PYGO1: variants seen among roughly 807,000 people sequenced by gnomAD.
PYGO1 encodes the protein pygopus family PHD finger 1.
Under a neutral mutation model 29.5 loss-of-function variants are expected in PYGO1, and 6 were observed. The ratio of observed to expected loss-of-function variants is 0.20; its 90% CI spans 0.11 to 0.40. The LOEUF (loss-of-function observed/expected upper bound fraction) is 0.40, where lower values mean the gene tolerates loss of function less well. Among genes scored for constraint, PYGO1 ranks in the 10% least tolerant of loss-of-function variants. PYGO1 has a pLI of 1.00. For synonymous variants in PYGO1, 186 were observed against 180.5 expected, an observed-to-expected ratio of 1.03 and a Z score of -0.24; for missense variants, 515 against 514.9, an observed-to-expected ratio of 1.00 and a Z score of 0.00.
rs1382158726 is a variant in PYGO1 at position 55,543,717 on chromosome 15, A to T, written c.*2306T>A. The T allele has an allele frequency of 6.6e-6, 1 of 152,198 alleles. No individual in the cohort carries two copies. The highest frequency in any genetic ancestry group is 1.5e-5 in the Non-Finnish European group (1 of 68,024). 9.4% of individuals were successfully genotyped at this position (152,198 alleles called of 1,614,324 possible). On this transcript the variant is annotated 3_prime_UTR_variant, in exon 3 of 3. Transcript: ENST00000563719. ...TCACAACTCAAGTACTACCATGTAAAGTGTTAACTCCTGAGAACACTGGAA... is the reference window on the plus strand; with the variant it reads ...TCACAACTCAAGTACTACCATGTAATGTGTTAACTCCTGAGAACACTGGAA...
chr15:55,550,423 A>G (rs1172627768), intron 1 of PYGO1, among the ~76,000 whole-genome samples: 1 of 152,030 alleles, frequency 6.6e-6, no homozygotes, highest in Non-Finnish European at 1.5e-5. Context: ...TCTTATCTCT[A>G]TCATCCCAAC....
intron 1 of PYGO1, among the ~76,000 whole-genome samples, chr15:55,575,881 C>T (rs1595992778): frequency 6.6e-6 from 1 of 152,138 alleles, no homozygotes; most frequent in East Asian, 1.9e-4. Flanking sequence ...CTCCACAGGG[C>T]CCCTCCTCTG....
chr15:55,546,089 G>A lies in PYGO1; in HGVS notation c.1194C>T (p.Asp398=). The change falls in exon 3 of 3, where the codon GAC becomes GAT. Residue 398 remains aspartate (D), a synonymous_variant. Coordinates refer to ENST00000563719, the MANE Select transcript of PYGO1 (RefSeq NM_001367806.1). The stretch of plus-strand genomic sequence containing the variant: ...TAGTACGCATTAACTGGACATCTTT[G>A]TCAGCCATACAGGTATCACAGCCCC... ...AVWGCDTCMA[D]KDVQLMRTRE... is the part of the protein sequence containing the mutation. The A allele has an allele frequency of 6.2e-7, 1 of 1,614,118 alleles. No homozygotes were observed.
In PYGO1 at chr15:55,546,017, C is replaced by G. The variant is rs374122709; in HGVS notation, c.*6G>C. The stretch of plus-strand genomic sequence containing the variant: ...AAAATAAACCCACTTTAGTTAATGC[C>G]TTTGATTAAGCATCACTGCCCACTG... On this transcript the variant is annotated 3_prime_UTR_variant, in exon 3 of 3. Transcript: ENST00000563719. 3.2e-6 allele frequency: 5 copies of G among 1,583,810 alleles called. No individual in the cohort carries two copies. The highest frequency in any genetic ancestry group is 1.8e-5 in the Admixed American group (1 of 56,562).
At chr15:55,569,610 A>G (rs963133149) in intron 1 of PYGO1, among the ~76,000 whole-genome samples, 3 of 152,224 alleles carry the variant, frequency 2.0e-5, no homozygotes, top group Non-Finnish European at 2.9e-5. Flanking sequence ...TGTGATTTTG[A>G]GAGATCTTCT....
intron 1 of PYGO1, among the ~76,000 whole-genome samples, chr15:55,553,861 G>A (rs12906291): frequency 0.94 from 143,361 of 152,128 alleles, 67,717 homozygotes; most frequent in Non-Finnish European, 0.97. Context: ...TTCACTGGTA[G>A]TATCTCCAGG....
At chr15:55,547,392 A>C (rs534226302) in intron 2 of PYGO1, among the ~76,000 whole-genome samples, 1 of 152,322 alleles carries the variant, frequency 6.6e-6, no homozygotes, top group African/African-American at 2.4e-5. Context: ...TCTGAGCTCA[A>C]ATCCATTGTA....
chr15:55,577,765 CT>C (rs71105898), intron 1 of PYGO1, among the ~76,000 whole-genome samples: 123 of 120,748 alleles, frequency 1.0e-3, no homozygotes, highest in Middle Eastern at 5.0e-3. Flanking sequence ...TACTAATCTA[CT>C]TTTTTTTTTT....
intron 1 of PYGO1, among the ~76,000 whole-genome samples, chr15:55,582,393 T>C (rs759166895): frequency 6.6e-6 from 1 of 152,068 alleles, no homozygotes; most frequent in Non-Finnish European, 1.5e-5. Flanking sequence ...TTCATTTATC[T>C]ACCCCTCATT....
At position 55,587,983 on chromosome 15, in the gene PYGO1, G is replaced by T. The variant is rs894941788; in HGVS notation, c.-100C>A. The T allele has an allele frequency of 7.1e-6, 10 of 1,413,170 alleles. No homozygotes were observed. In the East Asian group the frequency reaches 2.8e-4, roughly 40 times the overall value. 87.5% of individuals were successfully genotyped at this position (1,413,170 alleles called of 1,614,324 possible). On this transcript the variant is annotated 5_prime_UTR_variant, in exon 1 of 3. Transcript: ENST00000563719. ...CTCCTCGCGGGGCCGCTGCGGCTGCGAGGCAAGCCTCGGAGCCGAGGCACG... is the reference window on the plus strand; with the variant it reads ...CTCCTCGCGGGGCCGCTGCGGCTGCTAGGCAAGCCTCGGAGCCGAGGCACG...
intron 1 of PYGO1, among the ~76,000 whole-genome samples, chr15:55,558,543 A>T (rs1426234707): frequency 6.6e-6 from 1 of 151,560 alleles, no homozygotes; most frequent in Non-Finnish European, 1.5e-5. Context: ...TTGCCAAGAC[A>T]ATCTTAAGCC....
rs537292222 is a variant in PYGO1, at chr15:55,573,314, A to AG, written c.49+14520_49+14521insC. The stretch of plus-strand genomic sequence containing the variant: ...GAGCAAGACTCCATCTCAAAAAAGG[A>AG]AAAAAAAAAAGAGAGACAAGAGATA... On this transcript the variant is annotated intron_variant, in intron 1 of 2. Coordinates refer to ENST00000563719, the MANE Select transcript of PYGO1 (RefSeq NM_001367806.1). Among the ~76,000 whole-genome samples, 9 of 118,926 alleles carry AG rather than the reference A, an allele frequency of 7.6e-5. No homozygotes were observed. In the East Asian group the frequency reaches 1.8e-3, roughly 24 times the overall value. 78.0% of individuals were successfully genotyped at this position (118,926 alleles called of 152,430 possible). A position where few individuals can be genotyped will look rare whatever the true frequency, so the allele number is the denominator to read the frequency against.
In PYGO1 at chr15:55,539,765, T is replaced by C. The variant is rs2058821406; in HGVS notation, c.*6258A>G. On this transcript the variant is annotated 3_prime_UTR_variant, in exon 3 of 3. Coordinates refer to ENST00000563719, the MANE Select transcript of PYGO1 (RefSeq NM_001367806.1). ...ATTGCTATATCAATCCTATCAATAG[T>C]CCACAATCAAAAGTACAAAATATAC... 6.6e-6 allele frequency: 1 copy of C among 152,010 alleles called. No homozygotes were observed. The highest frequency in any genetic ancestry group is 2.4e-5 in the African/African-American group (1 of 41,446). 9.4% of individuals were successfully genotyped at this position (152,010 alleles called of 1,614,324 possible). A position where few individuals can be genotyped will look rare whatever the true frequency, so the allele number is the denominator to read the frequency against.
At chr15:55,573,544 T>G (rs2058988811) in intron 1 of PYGO1, among the ~76,000 whole-genome samples, 1 of 152,196 alleles carries the variant, frequency 6.6e-6, no homozygotes, top group Non-Finnish European at 1.5e-5. Context: ...CACTCCCATG[T>G]TTGTTACATT....
chr15:55,582,537 T>C (rs1595996051), intron 1 of PYGO1, among the ~76,000 whole-genome samples: 1 of 152,112 alleles, frequency 6.6e-6, no homozygotes. Context: ...GTTTCCAAAG[T>C]TGGTGTTTTC....
chr15:55,576,759 T>TAAA (rs1567059330), intron 1 of PYGO1, among the ~76,000 whole-genome samples: 1 of 4,182 alleles, frequency 2.4e-4, no homozygotes, highest in Non-Finnish European at 1.1e-3. Context: ...GGGCGACAGA[T>TAAA]CAAAAAAAAG....
At chr15:55,583,861 T>C (rs1351522224) in intron 1 of PYGO1, among the ~76,000 whole-genome samples, 2 of 152,274 alleles carry the variant, frequency 1.3e-5, no homozygotes, top group South Asian at 2.1e-4. Context: ...AACTGCCTTC[T>C]CAAAATCACA....
chr15:55,551,798 C>T (rs1459492036), intron 1 of PYGO1, among the ~76,000 whole-genome samples: 1 of 151,746 alleles, frequency 6.6e-6, no homozygotes, highest in Non-Finnish European at 1.5e-5. Flanking sequence ...CAGAGCAAGA[C>T]CCCAACTAAA....
chr15:55,576,481 A>AG (rs2059002595), intron 1 of PYGO1, among the ~76,000 whole-genome samples: 1 of 125,956 alleles, frequency 7.9e-6, no homozygotes, highest in African/African-American at 2.8e-5. Context: ...AAAAAAAAAA[A>AG]AGAGAGAGGC....
Sources: gnomAD v4.1 joint callset for allele counts (sites outside exome capture counted in the v4.1 genomes callset) on GRCh38, gnomAD v4.1.1 for gene constraint, MANE v1.5 for transcripts, NCBI Gene and HGNC (gene_info 2026-07-23, HGNC 2026-07-21) for gene names.